LCMT1: variants seen among roughly 807,000 people sequenced by gnomAD.
The protein encoded by LCMT1 is leucine carboxyl methyltransferase 1.
A neutral mutation model predicts 47.7 loss-of-function variants in LCMT1; 32 were observed. The observed-to-expected ratio is 0.67, with a 90% confidence interval of 0.51 to 0.90. LCMT1 has a LOEUF of 0.90. Ranked by LOEUF, LCMT1 falls within the 40% of genes least tolerant of loss-of-function variation. The pLI, the probability that LCMT1 is intolerant of heterozygous loss-of-function variation, is 0.00. For synonymous variants in LCMT1, 152 were observed against 149.7 expected (o/e 1.02, Z -0.11); for missense variants, 375 against 415.2 (o/e 0.90, Z 0.84).
At chr16:25,149,138 T>C (rs1459797074) in intron 4 of LCMT1, 1 of 152,200 alleles carries the variant, frequency 6.6e-6, no homozygotes, top group East Asian at 1.9e-4. Context: ...ATCAAGCTTG[T>C]TCAACCCCAG....
At chr16:25,151,010 G>T (rs560787387) in intron 4 of LCMT1, among the ~76,000 whole-genome samples, 22 of 152,282 alleles carry the variant, frequency 1.4e-4, no homozygotes, top group African/African-American at 5.1e-4. Flanking sequence ...GACAGAAAGT[G>T]TGTTGGTGTT....
intron 6 of LCMT1, among the ~76,000 whole-genome samples, chr16:25,163,467 C>CAA (rs11318381): frequency 1.4e-4 from 14 of 97,474 alleles, no homozygotes; most frequent in South Asian, 3.4e-4. Flanking sequence ...GACTCTGTCT[C>CAA]AAAAAAAAAA....
At chr16:25,170,912 T>A (rs1166932790) in intron 9 of LCMT1, 107 bp downstream of exon 9, 2 of 767,070 alleles carry the variant, frequency 2.6e-6, no homozygotes, top group Non-Finnish European at 4.2e-6. Context: ...GGAGATTTCA[T>A]TAAAAAACAA....
At chr16:25,134,950 C>A (rs911079602) in intron 3 of LCMT1, among the ~76,000 whole-genome samples, 68 of 152,116 alleles carry the variant, frequency 4.5e-4, no homozygotes, top group African/African-American at 1.6e-3. Flanking sequence ...GTGTGAGGAA[C>A]CAGAGCACAG....
chr16:25,125,789 G>C (rs1014090846), intron 1 of LCMT1, among the ~76,000 whole-genome samples: 2 of 151,550 alleles, frequency 1.3e-5, no homozygotes, highest in African/African-American at 4.9e-5. Flanking sequence ...CCGAGATCAC[G>C]CCATTGCACT....
chr16:25,157,265 C>T (rs1961287875), intron 5 of LCMT1, among the ~76,000 whole-genome samples: 1 of 152,098 alleles, frequency 6.6e-6, no homozygotes, highest in Non-Finnish European at 1.5e-5. Flanking sequence ...GTGTTTAAGA[C>T]TGGCTTGGTG....
intron 2 of LCMT1, 89 bp downstream of exon 2, chr16:25,128,655 C>A: frequency 2.0e-6 from 2 of 984,902 alleles, no homozygotes; most frequent in Admixed American, 2.1e-5. Flanking sequence ...GGTGTGCTCC[C>A]TTTCCAGCTG....
At chr16:25,164,072 G>A (rs917073174) in intron 6 of LCMT1, among the ~76,000 whole-genome samples, 2 of 152,132 alleles carry the variant, frequency 1.3e-5, no homozygotes, top group African/African-American at 4.8e-5. Context: ...TCTTCCACAG[G>A]TCTTCTCCCC....
At chr16:25,169,825 T>A (rs1961698529) in intron 8 of LCMT1, among the ~76,000 whole-genome samples, 1 of 152,158 alleles carries the variant, frequency 6.6e-6, no homozygotes, top group Non-Finnish European at 1.5e-5. Context: ...ATGATTGATA[T>A]GTCCCTTAAA....
chr16:25,138,373 A>G (rs1960567047), intron 3 of LCMT1, among the ~76,000 whole-genome samples: 1 of 152,130 alleles, frequency 6.6e-6, no homozygotes, highest in Admixed American at 6.5e-5. Flanking sequence ...TTCCAGAGGC[A>G]TCAGCAGGGC....
chr16:25,169,030 T>C (rs1597604543), intron 7 of LCMT1, 82 bp from the exon 8 acceptor site: 2 of 1,051,990 alleles, frequency 1.9e-6, no homozygotes, highest in East Asian at 4.8e-5. Context: ...CCTCGGCTGC[T>C]TAAAAATAGG....
At chr16:25,135,284 A>AAAAAAAAAAAAAAAAAAT (rs1555482753) in intron 3 of LCMT1, among the ~76,000 whole-genome samples, 1 of 140,610 alleles carries the variant, frequency 7.1e-6, no homozygotes, top group African/African-American at 2.5e-5. Context: ...TTTCTTTTAA[A>AAAAAAAAAAAAAAAAAAT]ATATATATCT....
intron 1 of LCMT1, among the ~76,000 whole-genome samples, chr16:25,116,213 G>A (rs1486925126): frequency 1.3e-5 from 2 of 152,264 alleles, no homozygotes; most frequent in Admixed American, 1.3e-4. Flanking sequence ...TCTGTGTTGA[G>A]TACTGAAAGC....
At chr16:25,146,751 T>C (rs1039405084) in intron 4 of LCMT1, 1 of 152,256 alleles carries the variant, frequency 6.6e-6, no homozygotes, top group African/African-American at 2.4e-5. Flanking sequence ...TCCCCTCTGC[T>C]GCCTCTGGGT....
At chr16:25,136,777 G>A (rs549874800) in intron 3 of LCMT1, among the ~76,000 whole-genome samples, 1 of 152,206 alleles carries the variant, frequency 6.6e-6, no homozygotes, top group East Asian at 1.9e-4. Flanking sequence ...GGCCTCAAGT[G>A]ATCCACCACC....
chr16:25,174,412 A>G (rs1020843329), intron 9 of LCMT1, among the ~76,000 whole-genome samples: 2 of 152,162 alleles, frequency 1.3e-5, no homozygotes, highest in African/African-American at 4.8e-5. Context: ...ACATATACAG[A>G]CAAATTTGTC....
chr16:25,152,489 C>T (rs891695023), intron 5 of LCMT1, among the ~76,000 whole-genome samples: 2 of 152,154 alleles, frequency 1.3e-5, no homozygotes, highest in African/African-American at 4.8e-5. Flanking sequence ...GAATTTTCAA[C>T]GACTTTCTAA....
intron 1 of LCMT1, among the ~76,000 whole-genome samples, chr16:25,123,223 CT>C (rs750991801): frequency 1.9e-3 from 221 of 116,170 alleles, no homozygotes; most frequent in African/African-American, 5.6e-3. Flanking sequence ...TATATAACTT[CT>C]TTTTTTTTTT....
intron 5 of LCMT1, among the ~76,000 whole-genome samples, chr16:25,160,025 G>A (rs1158779164): frequency 1.3e-5 from 2 of 152,008 alleles, no homozygotes; most frequent in African/African-American, 2.4e-5. Flanking sequence ...GAGTGCAGTG[G>A]CATGATCTCG....
Sources: allele counts gnomAD v4.1 joint callset (sites outside exome capture counted in the v4.1 genomes callset), GRCh38; gene constraint gnomAD v4.1.1; transcripts MANE v1.5; gene names NCBI Gene and HGNC (gene_info 2026-07-23, HGNC 2026-07-21).